The following FAM114A2 variants were observed in gnomAD, a reference collection of about 807,000 sequenced individuals.
FAM114A2 encodes the protein protein FAM114A2.
Under a neutral mutation model 58.4 loss-of-function variants are expected in FAM114A2, and 53 were observed. That is an observed-to-expected ratio of 0.91 (90% CI 0.73 to 1.14). The LOEUF (loss-of-function observed/expected upper bound fraction) is 1.14. Ranked by LOEUF, FAM114A2 falls within the 50% of genes most tolerant of loss-of-function variation. The probability of loss-of-function intolerance (pLI) is 0.00; values close to 1 mark genes in which losing one functional copy is unlikely to be tolerated. For missense variants in FAM114A2, 601 were observed against 581.1 expected, an observed-to-expected ratio of 1.03 and a Z score of -0.35; for synonymous variants, 228 against 211.4, an observed-to-expected ratio of 1.08 and a Z score of -0.68.
chr5:154,037,011 C>G (rs547868883), intron 1 of FAM114A2: 1 of 152,200 alleles, frequency 6.6e-6, no homozygotes, highest in Non-Finnish European at 1.5e-5. Flanking sequence ...CAATCCCCCA[C>G]GCAAATCCAC....
intron 13 of FAM114A2, among the ~76,000 whole-genome samples, chr5:153,993,441 T>C (rs1581752154): frequency 6.6e-6 from 1 of 152,328 alleles, no homozygotes; most frequent in African/African-American, 2.4e-5. Context: ...CACAATATTG[T>C]GGTCAATTAC....
At position 153,990,586 on chromosome 5, in the gene FAM114A2, T is replaced by C. The variant is rs1769214465; in HGVS notation, c.*2390A>G. 2 of 150,898 alleles carry C rather than the reference T, an allele frequency of 1.3e-5. 1 individual carries two copies. Among genetic ancestry groups the C allele is most frequent in the Admixed American group, 1.3e-4 (2 of 15,168 alleles). The allele number at this position is 150,898 out of a possible 1,614,324, so 9.3% of individuals were successfully genotyped here. ...TTCTAAGGTATTATGCAAAGGAAAA[T>C]AAAAATTGTTTCATAGAGGTTTCTA... On this transcript the variant is annotated 3_prime_UTR_variant, in exon 14 of 14. Transcript: ENST00000351797.
rs941632915 is a variant in FAM114A2 at position 154,027,418 on chromosome 5, G to A, written c.631-84C>T. On this transcript the variant is annotated intron_variant, in intron 6 of 13. Coordinates refer to ENST00000351797, the MANE Select transcript of FAM114A2 (RefSeq NM_018691.4). The stretch of plus-strand genomic sequence containing the variant: ...TGAGAATTGAAGGAAGCAAAGCTTA[G>A]ACAGGTTAGAGTACAGAGGATTGCC... 3.8e-5 allele frequency: 46 copies of A among 1,218,668 alleles called. No homozygotes were observed. The African/African-American group carries it at 6.4e-4, about 17-fold the overall frequency. 75.5% of individuals were successfully genotyped at this position (1,218,668 alleles called of 1,614,324 possible).
chr5:154,026,086 G>T (rs1210642553), intron 8 of FAM114A2, among the ~76,000 whole-genome samples: 3 of 152,162 alleles, frequency 2.0e-5, no homozygotes, highest in Non-Finnish European at 4.4e-5. Flanking sequence ...ACTGAGGCAA[G>T]AATCTGATGA....
intron 5 of FAM114A2, among the ~76,000 whole-genome samples, chr5:154,029,013 T>A (rs1036967548): frequency 6.6e-5 from 10 of 151,958 alleles, no homozygotes; most frequent in Admixed American, 1.3e-4. Flanking sequence ...AGTTAAAATT[T>A]AAAAAAAACT....
In FAM114A2 at chr5:154,011,267, A is replaced by C. The variant is rs1307267028; in HGVS notation, c.967T>G (p.Ser323Ala). ...CTGGCAAGTTTCTCTGGTTTGGAGG[A>C]AACGTGCAGCTGGGAAAACAGCTCT... ...ITELFSQLHVSSKPEKLARAR... is the reference protein window; with the variant it reads ...ITELFSQLHVASKPEKLARAR... The change falls in exon 9 of 14, where the codon TCC becomes GCC. Residue 323 changes from serine (S) to alanine (A), a missense_variant. By Grantham distance (99) the Ser-to-Ala change is moderately conservative (BLOSUM62 1). Transcript: ENST00000351797. 2 of 1,612,504 alleles carry C rather than the reference A, an allele frequency of 1.2e-6. No homozygotes were observed. Among genetic ancestry groups the C allele is most frequent in the Admixed American group, 3.3e-5 (2 of 59,832 alleles).
intron 8 of FAM114A2, among the ~76,000 whole-genome samples, chr5:154,019,541 T>A (rs1316941073): frequency 1.3e-5 from 2 of 152,108 alleles, no homozygotes; most frequent in East Asian, 3.9e-4. Flanking sequence ...ATCCTAAAAT[T>A]TGTATGGAAC....
At chr5:154,020,339 C>CA (rs1462430442) in intron 8 of FAM114A2, among the ~76,000 whole-genome samples, 3 of 152,002 alleles carry the variant, frequency 2.0e-5, no homozygotes, top group Middle Eastern at 3.4e-3. Context: ...AAAAACCCTT[C>CA]AAAAAATCAA....
Position 153,990,629 on chromosome 5 carries a change from T to G in FAM114A2, c.*2347A>C, listed in dbSNP as rs1415576183. On this transcript the variant is annotated 3_prime_UTR_variant, in exon 14 of 14. Coordinates refer to ENST00000351797, the MANE Select transcript of FAM114A2 (RefSeq NM_018691.4). ...GGTTTCTACTTCTTTCAGATCAAAT[T>G]AATAAAGTCTCTCTTAATCACAGCC... 6.6e-6 allele frequency: 1 copy of G among 152,092 alleles called. No individual in the cohort carries two copies. The highest frequency in any genetic ancestry group is 1.5e-5 in the Non-Finnish European group (1 of 68,010). The allele number at this position is 152,092 out of a possible 1,614,324, so 9.4% of individuals were successfully genotyped here.
chr5:154,024,676 T>G (rs541923281), intron 8 of FAM114A2, among the ~76,000 whole-genome samples: 1 of 152,266 alleles, frequency 6.6e-6, no homozygotes, highest in Admixed American at 6.5e-5. Context: ...AAAAATTAGT[T>G]GCAATGAACC....
At chr5:154,016,164 A>C (rs1014064997) in intron 8 of FAM114A2, among the ~76,000 whole-genome samples, 3 of 152,238 alleles carry the variant, frequency 2.0e-5, no homozygotes, top group Non-Finnish European at 4.4e-5. Context: ...TCTGAAGAAG[A>C]GAAATGTAAA....
At chr5:154,029,791 T>C (rs556722550) in intron 4 of FAM114A2, among the ~76,000 whole-genome samples, 4 of 152,220 alleles carry the variant, frequency 2.6e-5, no homozygotes, top group African/African-American at 9.6e-5. Flanking sequence ...TAAAATCCAG[T>C]TTTGTAAACA....
At chr5:154,010,239 T>G (rs930089955) in intron 9 of FAM114A2, among the ~76,000 whole-genome samples, 15 of 152,212 alleles carry the variant, frequency 9.9e-5, no homozygotes, top group African/African-American at 3.4e-4. Context: ...AGTACTGGAT[T>G]TGCATAAAAG....
chr5:154,009,505 G>C (rs1159775085), intron 9 of FAM114A2, among the ~76,000 whole-genome samples: 3 of 152,164 alleles, frequency 2.0e-5, no homozygotes, highest in Non-Finnish European at 4.4e-5. Context: ...ATAAATGCTA[G>C]ATTTAGAAGA....
intron 8 of FAM114A2, among the ~76,000 whole-genome samples, chr5:154,017,890 T>C (rs541959895): frequency 6.6e-6 from 1 of 152,246 alleles, no homozygotes; most frequent in African/African-American, 2.4e-5. Flanking sequence ...ACAATAGCGA[T>C]ACAACCTATC....
At chr5:154,026,715 A>G (rs1771801284) in intron 7 of FAM114A2, among the ~76,000 whole-genome samples, 193 bp from the exon 8 acceptor site, 1 of 152,188 alleles carries the variant, frequency 6.6e-6, no homozygotes, top group South Asian at 2.1e-4. Context: ...CTGTGCTTCT[A>G]AAAGTAATAC....
intron 8 of FAM114A2, among the ~76,000 whole-genome samples, chr5:154,012,115 T>C (rs915014537): frequency 1.3e-5 from 2 of 151,838 alleles, no homozygotes; most frequent in African/African-American, 4.8e-5. Flanking sequence ...TAATCTAGGA[T>C]CCAGGTAAGA....
chr5:154,015,955 C>T (rs957365806), intron 8 of FAM114A2, among the ~76,000 whole-genome samples: 7 of 152,058 alleles, frequency 4.6e-5, no homozygotes, highest in East Asian at 1.9e-4. Flanking sequence ...AAACAACGGA[C>T]GCACTTACAG....
intron 9 of FAM114A2, among the ~76,000 whole-genome samples, chr5:154,006,879 C>T (rs1770386149): frequency 6.6e-6 from 1 of 150,800 alleles, no homozygotes; most frequent in Non-Finnish European, 1.5e-5. Flanking sequence ...TCACTGCAAC[C>T]TCTGCCACAC....
Sources: gnomAD v4.1 joint callset for allele counts (sites outside exome capture counted in the v4.1 genomes callset) on GRCh38, gnomAD v4.1.1 for gene constraint, MANE v1.5 for transcripts, NCBI Gene and HGNC (gene_info 2026-07-23, HGNC 2026-07-21) for gene names.